RELN: variants seen among roughly 807,000 people sequenced by gnomAD.
The protein encoded by RELN is reelin.
RELN carries 108 observed loss-of-function variants against 427.6 expected under a neutral mutation model. The observed-to-expected ratio is 0.25, with a 90% CI of 0.22 to 0.30. The LOEUF (loss-of-function observed/expected upper bound fraction) is 0.30. Among genes scored for constraint, RELN ranks in the 10% least tolerant of loss-of-function variants. The probability of loss-of-function intolerance (pLI) is 1.00; values close to 1 mark genes in which losing one functional copy is unlikely to be tolerated. For missense variants in RELN, 3,715 were observed against 4,302.8 expected (o/e 0.86, Z 3.82); for synonymous variants, 1,524 against 1,513.4 (o/e 1.01, Z -0.16).
At position 103,907,416 on chromosome 7, in the gene RELN, A is replaced by AGG. The variant is rs60295836; in HGVS notation, c.337+9658_337+9659insCC. Among the ~76,000 whole-genome samples the AGG allele has an allele frequency of 7.1e-3, 270 of 37,806 alleles. 1 individual carries two copies. Among genetic ancestry groups the AGG allele is most frequent in the East Asian group, 0.012 (15 of 1,270 alleles). 24.8% of individuals were successfully genotyped at this position (37,806 alleles called of 152,430 possible). ...CTGGGCAACAAGATCAAGGCTCTGG[A>AGG]AAAAAAAAAAAAAAAAAAAAAAAAA... On this transcript the variant is annotated intron_variant, in intron 2 of 64. Coordinates refer to ENST00000428762, the MANE Select transcript of RELN (RefSeq NM_005045.4).
chr7:103,700,825 A>C, intron 9 of RELN, 85 bp downstream of exon 9: 1 of 850,824 alleles, frequency 1.2e-6, no homozygotes. Flanking sequence ...CCTAAAGAAA[A>C]AGTTAGTGGT....
rs1269095638 is a variant in RELN, at chr7:103,572,330, C to A, written c.4512-70G>T. The A allele has an allele frequency of 7.4e-5, 64 of 860,412 alleles. 1 individual carries two copies. The South Asian group carries it at 7.9e-4, about 11-fold the overall frequency. The allele number at this position is 860,412 out of a possible 1,614,324, so 53.3% of individuals were successfully genotyped here. A position where few individuals can be genotyped will look rare whatever the true frequency, so the allele number is the denominator to read the frequency against. On this transcript the variant is annotated intron_variant, in intron 30 of 64. Transcript: ENST00000428762. ...AGAGCTGTAAGCATTAGCGTTTTGACACATTAGAAAAAAACCCTCCTGTAT... is the reference window on the plus strand; with the variant it reads ...AGAGCTGTAAGCATTAGCGTTTTGAAACATTAGAAAAAAACCCTCCTGTAT...
intron 2 of RELN, among the ~76,000 whole-genome samples, chr7:103,907,790 CTT>C (rs59032523): frequency 0.65 from 98,266 of 150,766 alleles, 32,087 homozygotes; most frequent in East Asian, 0.71. Context: ...TAAAAAAAAA[CTT>C]ATTTTTTTTT....
At chr7:103,823,192 T>A (rs1467111795) in intron 3 of RELN, among the ~76,000 whole-genome samples, 1 of 151,976 alleles carries the variant, frequency 6.6e-6, no homozygotes, top group Non-Finnish European at 1.5e-5. Flanking sequence ...GTATGTTTTT[T>A]CCATCTCTGT....
intron 2 of RELN, among the ~76,000 whole-genome samples, chr7:103,847,000 A>C (rs904263524): frequency 1.3e-5 from 2 of 152,220 alleles, no homozygotes; most frequent in African/African-American, 4.8e-5. Context: ...CCATTGTGGA[A>C]GACAGTGTGG....
intron 2 of RELN, among the ~76,000 whole-genome samples, chr7:103,836,409 G>T (rs1793409493): frequency 6.6e-6 from 1 of 152,112 alleles, no homozygotes; most frequent in Non-Finnish European, 1.5e-5. Context: ...TAGCACATGT[G>T]GCTCATGGCT....
intron 3 of RELN, among the ~76,000 whole-genome samples, chr7:103,786,274 C>A (rs1792012587): frequency 6.6e-6 from 1 of 151,580 alleles, no homozygotes; most frequent in Non-Finnish European, 1.5e-5. Flanking sequence ...AAATCATATA[C>A]CCTTGTAGTT....
At chr7:103,784,946 T>C (rs898970155) in intron 3 of RELN, among the ~76,000 whole-genome samples, 27 of 152,146 alleles carry the variant, frequency 1.8e-4, no homozygotes, top group Non-Finnish European at 3.2e-4. Context: ...GAATGTTAAA[T>C]GCTTTAAAAA....
chr7:103,691,808 T>G (rs2299366), intron 10 of RELN, among the ~76,000 whole-genome samples: 101,793 of 151,884 alleles, frequency 0.67, 34,531 homozygotes, highest in East Asian at 0.76. Context: ...GCAAGACTCT[T>G]TCTCAAAAAA....
chr7:103,739,532 A>G (rs1252208159), intron 6 of RELN, among the ~76,000 whole-genome samples: 1 of 152,192 alleles, frequency 6.6e-6, no homozygotes, highest in African/African-American at 2.4e-5. Flanking sequence ...TCTTGGGTTC[A>G]ATGGCACATT....
intron 6 of RELN, among the ~76,000 whole-genome samples, chr7:103,739,961 G>C (rs1478351793): frequency 6.6e-6 from 1 of 152,174 alleles, no homozygotes; most frequent in Non-Finnish European, 1.5e-5. Context: ...CAGAAACAGT[G>C]GTGAGGACAG....
rs76751037 is a variant in RELN, at chr7:103,638,285, A to G, written c.2070-1817T>C. Among the ~76,000 whole-genome samples, 29 of 152,232 alleles carry G rather than the reference A, an allele frequency of 1.9e-4. No individual in the cohort carries two copies. In the East Asian group the frequency reaches 5.6e-3, roughly 29 times the overall value. ...AGCTACATGGATGACACTCGTGAAGAAAGGGGTTCTAATGCTCTGTCTCCT... is the reference window on the plus strand; with the variant it reads ...AGCTACATGGATGACACTCGTGAAGGAAGGGGTTCTAATGCTCTGTCTCCT... On this transcript the variant is annotated intron_variant, in intron 17 of 64. Transcript: ENST00000428762.
chr7:103,800,474 T>G (rs1253006192), intron 3 of RELN, among the ~76,000 whole-genome samples: 3 of 152,208 alleles, frequency 2.0e-5, no homozygotes, highest in Non-Finnish European at 2.9e-5. Context: ...AAACAAGATA[T>G]GGGGAAAGGA....
chr7:103,755,768 G>A (rs1018995240), intron 4 of RELN, among the ~76,000 whole-genome samples: 3 of 134,036 alleles, frequency 2.2e-5, no homozygotes, highest in African/African-American at 5.8e-5. Flanking sequence ...TGAGCTGATC[G>A]CACAACCGCA....
intron 8 of RELN, among the ~76,000 whole-genome samples, chr7:103,721,820 T>C (rs1373882898): frequency 6.6e-6 from 1 of 152,176 alleles, no homozygotes; most frequent in Non-Finnish European, 1.5e-5. Flanking sequence ...TTATGTTATA[T>C]ATTAATAGCA....
intron 8 of RELN, among the ~76,000 whole-genome samples, chr7:103,710,647 C>A (rs1204622000): frequency 6.6e-6 from 1 of 152,186 alleles, no homozygotes; most frequent in Admixed American, 6.5e-5. Context: ...GTTGCAAAGG[C>A]AAATATTAAG....
At position 103,927,353 on chromosome 7, in the gene RELN, T is replaced by C. The variant is rs114063365; in HGVS notation, c.227-10168A>G. Among the ~76,000 whole-genome samples, 685 of 152,286 alleles carry C rather than the reference T, an allele frequency of 4.5e-3. 3 individuals carry two copies. The highest frequency in any genetic ancestry group is 0.015 in the African/African-American group (633 of 41,568). ...ACATTTCAAAATCCAATTCATAAAA[T>C]CTAAAATTGTTATTGCTGACATCGA... On this transcript the variant is annotated intron_variant, in intron 1 of 64. Coordinates refer to ENST00000428762, the MANE Select transcript of RELN (RefSeq NM_005045.4).
At chr7:103,825,530 A>T (rs1793115697) in intron 3 of RELN, among the ~76,000 whole-genome samples, 1 of 152,186 alleles carries the variant, frequency 6.6e-6, no homozygotes, top group Non-Finnish European at 1.5e-5. Flanking sequence ...TCAAGTTCAC[A>T]TAACAATGGC....
chr7:103,511,999 G>C (rs1829434966), intron 50 of RELN, among the ~76,000 whole-genome samples: 1 of 151,944 alleles, frequency 6.6e-6, no homozygotes, highest in Non-Finnish European at 1.5e-5. Flanking sequence ...AGTTTTTGTT[G>C]GGGGGTTGCT....
Sources: allele counts gnomAD v4.1 joint callset (sites outside exome capture counted in the v4.1 genomes callset), GRCh38; gene constraint gnomAD v4.1.1; transcripts MANE v1.5; gene names NCBI Gene and HGNC (gene_info 2026-07-23, HGNC 2026-07-21).